The following NRG3 variants were observed in gnomAD, a reference collection of about 807,000 sequenced individuals.
NRG3 encodes neuregulin 3, also known as pro-neuregulin-3, membrane-bound isoform.
Under a neutral mutation model 66.9 loss-of-function variants are expected in NRG3, and 31 were observed. The observed-to-expected ratio is 0.46, with a 90% CI of 0.35 to 0.63. The LOEUF (loss-of-function observed/expected upper bound fraction) is 0.63. NRG3 is among the 20% of genes least tolerant of loss of function. NRG3 has a pLI of 0.00. For synonymous variants in NRG3, 393 were observed against 359.4 expected (o/e 1.09, Z -1.06); for missense variants, 910 against 878.9 (o/e 1.04, Z -0.45).
At chr10:82,042,614 TA>T (rs2063096816) in intron 1 of NRG3, among the ~76,000 whole-genome samples, 1 of 152,082 alleles carries the variant, frequency 6.6e-6, no homozygotes, top group Non-Finnish European at 1.5e-5. Context: ...ATAATACATT[TA>T]GAATTGTCAA....
At chr10:82,435,779 C>CTTTCTTTT (rs1348538731) in intron 2 of NRG3, among the ~76,000 whole-genome samples, 27 of 108,284 alleles carry the variant, frequency 2.5e-4, no homozygotes, top group African/African-American at 9.9e-4. Context: ...CTTTTCTTTT[C>CTTTCTTTT]TTTTTTTTTT....
At chr10:82,928,802 G>A (rs1416624493) in intron 4 of NRG3, among the ~76,000 whole-genome samples, 1 of 152,122 alleles carries the variant, frequency 6.6e-6, no homozygotes, top group South Asian at 2.1e-4. Context: ...GCTGTAATCT[G>A]TGGAGCCTGA....
At chr10:82,654,907 C>T (rs58077349) in intron 2 of NRG3, among the ~76,000 whole-genome samples, 3,981 of 151,822 alleles carry the variant, frequency 0.026, 171 homozygotes, top group African/African-American at 0.091. Flanking sequence ...TATCTCCCAC[C>T]AAAAATATAT....
At chr10:82,759,301 T>A (rs376524476) in intron 3 of NRG3, among the ~76,000 whole-genome samples, 1 of 152,108 alleles carries the variant, frequency 6.6e-6, no homozygotes, top group African/African-American at 2.4e-5. Flanking sequence ...AGCTGATACA[T>A]GCTGAGAGTA....
At chr10:82,119,390 A>G (rs1352715885) in intron 1 of NRG3, among the ~76,000 whole-genome samples, 1 of 152,192 alleles carries the variant, frequency 6.6e-6, no homozygotes, top group African/African-American at 2.4e-5. Flanking sequence ...AAAAAAAGTT[A>G]TAAAATGATG....
intron 1 of NRG3, among the ~76,000 whole-genome samples, chr10:81,887,439 C>G (rs1842700091): frequency 6.6e-6 from 1 of 152,096 alleles, no homozygotes; most frequent in South Asian, 2.1e-4. Flanking sequence ...AATCAACTAT[C>G]TGATCTATTC....
At chr10:82,085,278 A>C (rs2065650505) in intron 1 of NRG3, among the ~76,000 whole-genome samples, 1 of 152,028 alleles carries the variant, frequency 6.6e-6, no homozygotes, top group Non-Finnish European at 1.5e-5. Flanking sequence ...AGACCATAAT[A>C]CTCTAAATCT....
At chr10:82,922,083 T>G (rs1175764822) in intron 4 of NRG3, among the ~76,000 whole-genome samples, 1 of 152,022 alleles carries the variant, frequency 6.6e-6, no homozygotes, top group Non-Finnish European at 1.5e-5. Flanking sequence ...ATACATTGTC[T>G]TCTCCACCCC....
chr10:82,770,963 C>G (rs563585346), intron 3 of NRG3, among the ~76,000 whole-genome samples: 1 of 152,128 alleles, frequency 6.6e-6, no homozygotes, highest in African/African-American at 2.4e-5. Context: ...GGCATGAACT[C>G]CCTGAGAGTT....
At chr10:82,348,074 G>A (rs1315285359) in intron 1 of NRG3, among the ~76,000 whole-genome samples, 2 of 151,288 alleles carry the variant, frequency 1.3e-5, no homozygotes, top group South Asian at 2.1e-4. Context: ...TACATTTAAA[G>A]TTAATATTGT....
In NRG3 at chr10:82,177,730, C is replaced by T. The variant is rs537154275; in HGVS notation, c.824-181009C>T. On this transcript the variant is annotated intron_variant, in intron 1 of 8. Transcript: ENST00000372141. ...CTGGGACCACAGGCGTGCGCCACCA[C>T]ATCCAGCTAATATTTTCTATTTTTT... Among the ~76,000 whole-genome samples, 27 of 152,282 alleles carry T rather than the reference C, an allele frequency of 1.8e-4. No individual in the cohort carries two copies. The South Asian group carries it at 2.7e-3, about 15-fold the overall frequency.
intron 2 of NRG3, among the ~76,000 whole-genome samples, chr10:82,516,066 C>G (rs1845619273): frequency 6.6e-6 from 1 of 152,036 alleles, no homozygotes; most frequent in Admixed American, 6.6e-5. Flanking sequence ...ACTTGTATGG[C>G]CAATCACAAT....
At chr10:82,190,764 C>G (rs919317908) in intron 1 of NRG3, among the ~76,000 whole-genome samples, 1 of 152,126 alleles carries the variant, frequency 6.6e-6, no homozygotes, top group Non-Finnish European at 1.5e-5. Flanking sequence ...CAGAGTAGCT[C>G]CAGGGCTGGT....
intron 2 of NRG3, among the ~76,000 whole-genome samples, chr10:82,556,237 C>G (rs2044641338): frequency 1.3e-5 from 2 of 152,098 alleles, no homozygotes; most frequent in African/African-American, 4.8e-5. Context: ...TCAAATTCCA[C>G]AGGGCTCCTT....
At chr10:82,218,132 G>C (rs1192938553) in intron 1 of NRG3, among the ~76,000 whole-genome samples, 1 of 152,146 alleles carries the variant, frequency 6.6e-6, no homozygotes, top group Non-Finnish European at 1.5e-5. Flanking sequence ...ATCTACATGT[G>C]AGATATCACC....
chr10:82,231,498 T>C (rs1159526187), intron 1 of NRG3, among the ~76,000 whole-genome samples: 1 of 151,988 alleles, frequency 6.6e-6, no homozygotes, highest in South Asian at 2.1e-4. Flanking sequence ...AACCTAGTAT[T>C]ATCATGAGGC....
chr10:82,669,363 C>T (rs1031632878), intron 2 of NRG3, among the ~76,000 whole-genome samples: 8 of 151,632 alleles, frequency 5.3e-5, no homozygotes, highest in East Asian at 3.9e-4. Flanking sequence ...TGGGGCAATG[C>T]GCAGTTTTCT....
At chr10:82,395,721 C>T (rs2136000977) in intron 2 of NRG3, among the ~76,000 whole-genome samples, 1 of 152,224 alleles carries the variant, frequency 6.6e-6, no homozygotes, top group South Asian at 2.1e-4. Flanking sequence ...CATCTATCCA[C>T]CCATTCATCC....
intron 2 of NRG3, among the ~76,000 whole-genome samples, chr10:82,529,051 C>T (rs1847002769): frequency 6.6e-6 from 1 of 152,142 alleles, no homozygotes; most frequent in Non-Finnish European, 1.5e-5. Context: ...TTTTAGCTTC[C>T]AATATAGTCT....
Sources: allele counts gnomAD v4.1 joint callset (sites outside exome capture counted in the v4.1 genomes callset), GRCh38; gene constraint gnomAD v4.1.1; transcripts MANE v1.5; gene names NCBI Gene and HGNC (gene_info 2026-07-23, HGNC 2026-07-21).